ACTR3C: variants seen among roughly 807,000 people sequenced by gnomAD.
ACTR3C encodes the protein actin related protein 3C.
ACTR3C carries 18 observed loss-of-function variants against 26.3 expected under a neutral mutation model. That is an observed-to-expected ratio of 0.68 (90% CI 0.47 to 1.01). The LOEUF (loss-of-function observed/expected upper bound fraction) is 1.01, where lower values mean the gene tolerates loss of function less well. Among genes scored for constraint, ACTR3C ranks in the 50% least tolerant of loss-of-function variants. ACTR3C has a pLI of 0.00. For synonymous variants in ACTR3C, 55 were observed against 94.5 expected (o/e 0.58, Z 2.42); for missense variants, 184 against 250.7 (o/e 0.73, Z 1.80).
the ACTR3C span, among the ~76,000 whole-genome samples, chr7:149,905,033 AT>A: frequency 6.6e-6 from 1 of 151,564 alleles, no homozygotes; most frequent in African/African-American, 2.4e-5. Flanking sequence ...TCTCAAAAAA[AT>A]AAAAATAAAA....
At chr7:150,318,889 C>T (rs978261471) in intron 1 of ACTR3C, among the ~76,000 whole-genome samples, 6 of 152,244 alleles carry the variant, frequency 3.9e-5, no homozygotes, top group African/African-American at 1.2e-4. Flanking sequence ...ATGCATTTCA[C>T]TCCCTTAGGG....
At chr7:150,039,736 G>T in the ACTR3C span, among the ~76,000 whole-genome samples, 2 of 140,696 alleles carry the variant, frequency 1.4e-5, no homozygotes, top group South Asian at 2.3e-4. Context: ...CCACCCTCGC[G>T]GGGGGTGCCT....
At chr7:150,040,586 A>C in the ACTR3C span, 1 of 147,846 alleles carries the variant, frequency 6.8e-6, no homozygotes, top group African/African-American at 2.6e-5. Flanking sequence ...GGTAGATTGC[A>C]AATAACCTGC....
At chr7:150,066,139 CAT>C in the ACTR3C span, among the ~76,000 whole-genome samples, 1 of 152,146 alleles carries the variant, frequency 6.6e-6, no homozygotes, top group Non-Finnish European at 1.5e-5. Flanking sequence ...TGATCTCAAA[CAT>C]ACACACACAT....
chr7:149,977,882 A>G, the ACTR3C span, among the ~76,000 whole-genome samples: 1 of 151,858 alleles, frequency 6.6e-6, no homozygotes, highest in African/African-American at 2.4e-5. Context: ...ATGTATTATT[A>G]TTCCAACCAG....
chr7:149,960,924 T>G, the ACTR3C span, among the ~76,000 whole-genome samples: 2 of 152,156 alleles, frequency 1.3e-5, no homozygotes, highest in Non-Finnish European at 2.9e-5. Flanking sequence ...AGGAAGTGTG[T>G]GCTCACAGGA....
chr7:150,014,219 G>C, the ACTR3C span, among the ~76,000 whole-genome samples: 2 of 152,216 alleles, frequency 1.3e-5, no homozygotes, highest in Non-Finnish European at 2.9e-5. Context: ...ACTTTGGGAG[G>C]TCGAGGTGGG....
At chr7:150,078,853 C>T in the ACTR3C span, among the ~76,000 whole-genome samples, 1 of 152,148 alleles carries the variant, frequency 6.6e-6, no homozygotes, top group Non-Finnish European at 1.5e-5. Context: ...GCTTAGAGTC[C>T]AGGAGCTGGG....
the ACTR3C span, among the ~76,000 whole-genome samples, chr7:150,234,003 T>C: frequency 2.6e-5 from 4 of 152,188 alleles, no homozygotes; most frequent in African/African-American, 7.2e-5. Flanking sequence ...CTATATATAA[T>C]GTTTGCTGTA....
chr7:150,308,715 T>C (rs943795672), intron 1 of ACTR3C, among the ~76,000 whole-genome samples: 1 of 152,068 alleles, frequency 6.6e-6, no homozygotes, highest in Non-Finnish European at 1.5e-5. Flanking sequence ...CTCCCCCACC[T>C]TATAATTCTT....
the ACTR3C span, among the ~76,000 whole-genome samples, chr7:149,985,616 C>G: frequency 6.6e-6 from 1 of 152,244 alleles, no homozygotes; most frequent in African/African-American, 2.4e-5. Flanking sequence ...CACGTGCTCT[C>G]TGATCACTGG....
At chr7:150,257,789 A>G (rs140918325) in intron 6 of ACTR3C, among the ~76,000 whole-genome samples, 6,655 of 152,232 alleles carry the variant, frequency 0.044, 464 homozygotes, top group African/African-American at 0.15. Flanking sequence ...GTCATAGTCC[A>G]AGAGAAGGAG....
chr7:149,936,686 C>A, the ACTR3C span, among the ~76,000 whole-genome samples: 1 of 152,354 alleles, frequency 6.6e-6, no homozygotes, highest in South Asian at 2.1e-4. Context: ...TCAAAGAACA[C>A]CCAGAAACAC....
the ACTR3C span, among the ~76,000 whole-genome samples, chr7:150,190,158 C>T: frequency 6.6e-6 from 1 of 152,190 alleles, no homozygotes; most frequent in African/African-American, 2.4e-5. Flanking sequence ...TCCATAATGA[C>T]TAATGATATT....
At chr7:149,968,805 A>G in the ACTR3C span, among the ~76,000 whole-genome samples, 1 of 152,112 alleles carries the variant, frequency 6.6e-6, no homozygotes, top group Non-Finnish European at 1.5e-5. Flanking sequence ...TATTTCAGGG[A>G]TGTGGCAAGT....
intron 2 of ACTR3C, among the ~76,000 whole-genome samples, chr7:150,294,263 G>A (rs1299603950): frequency 1.3e-5 from 2 of 152,226 alleles, no homozygotes; most frequent in African/African-American, 4.8e-5. Context: ...CTTCTAGTGG[G>A]CAGAGGCCAG....
the ACTR3C span, among the ~76,000 whole-genome samples, chr7:149,911,266 A>G: frequency 6.6e-6 from 1 of 151,596 alleles, no homozygotes; most frequent in Non-Finnish European, 1.5e-5. Flanking sequence ...CAACAAGCAG[A>G]CCAGAAATCA....
intron 1 of ACTR3C, among the ~76,000 whole-genome samples, chr7:150,313,808 G>A (rs960883428): frequency 2.0e-5 from 3 of 152,182 alleles, no homozygotes; most frequent in Non-Finnish European, 4.4e-5. Context: ...GACAGACACT[G>A]GAAGGGCTCA....
At chr7:149,909,174 C>A in the ACTR3C span, among the ~76,000 whole-genome samples, 1 of 151,338 alleles carries the variant, frequency 6.6e-6, no homozygotes, top group Non-Finnish European at 1.5e-5. Flanking sequence ...ACTGCAAGGA[C>A]ACTTCTGTTA....
Sources: gnomAD v4.1 joint callset for allele counts (sites outside exome capture counted in the v4.1 genomes callset) on GRCh38, gnomAD v4.1.1 for gene constraint, MANE v1.5 for transcripts, NCBI Gene and HGNC (gene_info 2026-07-23, HGNC 2026-07-21) for gene names.